CDIN1: variants seen among roughly 807,000 people sequenced by gnomAD.
The protein encoded by CDIN1 is CDAN1-interacting nuclease 1.
Under a neutral mutation model 45.3 loss-of-function variants are expected in CDIN1, and 33 were observed. The observed-to-expected ratio is 0.73, with a 90% CI of 0.55 to 0.97. The LOEUF (loss-of-function observed/expected upper bound fraction) is 0.97. Among genes scored for constraint, CDIN1 ranks in the 50% least tolerant of loss-of-function variants. CDIN1 has a pLI of 0.00. For missense variants in CDIN1, 303 were observed against 339.4 expected, an observed-to-expected ratio of 0.89 and a Z score of 0.84; for synonymous variants, 118 against 124.4, an observed-to-expected ratio of 0.95 and a Z score of 0.34.
chr15:36,651,093 G>C (rs1054432143), intron 3 of CDIN1, among the ~76,000 whole-genome samples: 1 of 152,062 alleles, frequency 6.6e-6, no homozygotes, highest in African/African-American at 2.4e-5. Context: ...TACAGTCTTT[G>C]AATTCTTAGT....
chr15:36,796,626 C>G (rs1409674719), intron 10 of CDIN1, among the ~76,000 whole-genome samples: 1 of 152,196 alleles, frequency 6.6e-6, no homozygotes, highest in Non-Finnish European at 1.5e-5. Flanking sequence ...GCAGTCAAGC[C>G]TCTTCTGTTC....
At chr15:36,800,108 T>C (rs2054961176) in intron 10 of CDIN1, among the ~76,000 whole-genome samples, 1 of 152,192 alleles carries the variant, frequency 6.6e-6, no homozygotes, top group Admixed American at 6.5e-5. Context: ...CAAAATAACA[T>C]TTTCTTTGTG....
At chr15:36,621,371 C>T (rs1454568668) in intron 1 of CDIN1, among the ~76,000 whole-genome samples, 4 of 152,180 alleles carry the variant, frequency 2.6e-5, no homozygotes, top group African/African-American at 4.8e-5. Flanking sequence ...AAACACTGCA[C>T]GTATCTGTAC....
intron 10 of CDIN1, among the ~76,000 whole-genome samples, chr15:36,756,367 C>A (rs746070029): frequency 6.6e-6 from 1 of 152,106 alleles, no homozygotes; most frequent in Non-Finnish European, 1.5e-5. Context: ...GGTGTTTTAA[C>A]ACAAAATAGT....
chr15:36,808,260 G>C, intron 10 of CDIN1, 64 bp from the exon 11 acceptor site: 1 of 1,588,802 alleles, frequency 6.3e-7, no homozygotes, highest in South Asian at 1.1e-5. Context: ...AGTGCCCCAA[G>C]GTGACTTTTT....
At chr15:36,765,057 C>CTTTT (rs377685100) in intron 10 of CDIN1, among the ~76,000 whole-genome samples, 15,004 of 139,280 alleles carry the variant, frequency 0.11, 1,092 homozygotes, top group Non-Finnish European at 0.13. Flanking sequence ...ATTTTTCTTT[C>CTTTT]TTTCTTTTTT....
At chr15:36,791,013 C>T (rs2054631471) in intron 10 of CDIN1, among the ~76,000 whole-genome samples, 1 of 152,208 alleles carries the variant, frequency 6.6e-6, no homozygotes, top group Admixed American at 6.5e-5. Flanking sequence ...TGTCCACCCT[C>T]GAGTAGGTCC....
At chr15:36,590,304 T>A (rs976005716) in intron 1 of CDIN1, among the ~76,000 whole-genome samples, 5 of 152,242 alleles carry the variant, frequency 3.3e-5, no homozygotes, top group African/African-American at 1.2e-4. Context: ...CCTATTTCTT[T>A]TATGTGTTTG....
At chr15:36,580,088 A>T in intron 1 of CDIN1, 127 bp downstream of exon 1, 1 of 796,356 alleles carries the variant, frequency 1.3e-6, no homozygotes, top group Admixed American at 2.9e-5. Flanking sequence ...AGGCGTTAGG[A>T]GGTCGAGGTT....
At chr15:36,788,063 G>A (rs1322877070) in intron 10 of CDIN1, among the ~76,000 whole-genome samples, 9 of 127,208 alleles carry the variant, frequency 7.1e-5, no homozygotes, top group African/African-American at 2.5e-4. Flanking sequence ...GCAATATGAC[G>A]ATAATTTTAT....
chr15:36,760,223 C>T (rs191438756), intron 10 of CDIN1, among the ~76,000 whole-genome samples: 1 of 152,224 alleles, frequency 6.6e-6, no homozygotes, highest in East Asian at 1.9e-4. Flanking sequence ...AATGAACATC[C>T]TCATCATGAA....
chr15:36,653,403 A>G (rs2040649691), intron 3 of CDIN1, among the ~76,000 whole-genome samples: 1 of 151,982 alleles, frequency 6.6e-6, no homozygotes, highest in Admixed American at 6.6e-5. Context: ...CTTGAGATTT[A>G]ATGTGGGGCC....
intron 4 of CDIN1, among the ~76,000 whole-genome samples, chr15:36,655,286 G>A (rs1322925118): frequency 6.7e-6 from 1 of 148,352 alleles, no homozygotes; most frequent in African/African-American, 2.5e-5. Context: ...TTCTTTTTTT[G>A]TTTTTTCCAT....
intron 1 of CDIN1, among the ~76,000 whole-genome samples, chr15:36,622,795 G>A (rs1326380663): frequency 3.9e-5 from 6 of 152,224 alleles, no homozygotes; most frequent in Admixed American, 2.6e-4. Flanking sequence ...CTTCTAGTAA[G>A]GGGCAGGGAG....
intron 10 of CDIN1, among the ~76,000 whole-genome samples, chr15:36,725,849 G>T (rs904725061): frequency 1.3e-5 from 2 of 150,880 alleles, no homozygotes; most frequent in Non-Finnish European, 2.9e-5. Context: ...TAACCTAAGT[G>T]CTTTAAAAAA....
chr15:36,797,903 C>G (rs908021758), intron 10 of CDIN1, among the ~76,000 whole-genome samples: 3 of 150,236 alleles, frequency 2.0e-5, no homozygotes, highest in African/African-American at 7.4e-5. Flanking sequence ...TCATTTGAAC[C>G]TGGGAGGCGG....
At chr15:36,723,316 GA>G (rs1196321443) in intron 10 of CDIN1, among the ~76,000 whole-genome samples, 2 of 151,596 alleles carry the variant, frequency 1.3e-5, no homozygotes, top group Non-Finnish European at 2.9e-5. Flanking sequence ...TAGTAAAGAG[GA>G]TTTTTTTTTA....
At chr15:36,722,527 T>C (rs931199545) in intron 10 of CDIN1, among the ~76,000 whole-genome samples, 6 of 152,206 alleles carry the variant, frequency 3.9e-5, no homozygotes, top group Admixed American at 2.0e-4. Flanking sequence ...CAGGGCTTCT[T>C]ATGCCTCTTG....
chr15:36,755,273 G>A (rs1374337477), intron 10 of CDIN1, among the ~76,000 whole-genome samples: 1 of 152,164 alleles, frequency 6.6e-6, no homozygotes, highest in Non-Finnish European at 1.5e-5. Context: ...CTGTGAGAAT[G>A]CAAGATTAAC....
Sources: gnomAD v4.1 joint callset for allele counts (sites outside exome capture counted in the v4.1 genomes callset) on GRCh38, gnomAD v4.1.1 for gene constraint, MANE v1.5 for transcripts, NCBI Gene and HGNC (gene_info 2026-07-23, HGNC 2026-07-21) for gene names.